Variants in CHRAC1 observed in about 807,000 individuals in gnomAD.
CHRAC1 encodes chromatin accessibility complex subunit 1.
In CHRAC1, 6 loss-of-function variants were observed where a neutral mutation model predicts 9.1. The ratio of observed to expected loss-of-function variants is 0.66; its 90% CI spans 0.36 to 1.29. CHRAC1 has a LOEUF of 1.29. CHRAC1 is among the 50% of genes most tolerant of loss of function. The pLI is 0.03. For synonymous variants in CHRAC1, 73 were observed against 64.5 expected (o/e 1.13, Z -0.63); for missense variants, 168 against 163.5 (o/e 1.03, Z -0.15).
chr8:140,514,216 T>G, intron 1 of CHRAC1, 153 bp from the exon 2 acceptor site: 1 of 837,722 alleles, frequency 1.2e-6, no homozygotes, highest in Non-Finnish European at 1.7e-6. Context: ...TCCCCAGTGA[T>G]TTCTTGTAAT....
rs553240389 is a variant in CHRAC1 at position 140,511,333 on chromosome 8, C to A, written c.-167C>A. Reference sequence around the variant, plus strand: ...CGGGGGCGCGAGGCCTCACGGAGCTCGTAGTTTCCCGGACGGGCCGCTCCC... The same window carrying A: ...CGGGGGCGCGAGGCCTCACGGAGCTAGTAGTTTCCCGGACGGGCCGCTCCC... On this transcript the variant is annotated 5_prime_UTR_variant, in exon 1 of 3. Transcript: ENST00000220913. 5.0e-4 allele frequency: 239 copies of A among 474,246 alleles called. 1 individual carries two copies. Among genetic ancestry groups the A allele is most frequent in the African/African-American group, 4.5e-3 (220 of 49,438 alleles). 29.4% of individuals were successfully genotyped at this position (474,246 alleles called of 1,614,324 possible). A position where few individuals can be genotyped will look rare whatever the true frequency, so the allele number is the denominator to read the frequency against.
At chr8:140,512,057 G>A in intron 1 of CHRAC1, 3 of 1,276,442 alleles carry the variant, frequency 2.4e-6, no homozygotes, top group Non-Finnish European at 3.1e-6. Flanking sequence ...CGCGCCTTTC[G>A]TCCCTCCCAC....
intron 2 of CHRAC1, 47 bp downstream of exon 2, chr8:140,514,542 A>G (rs759085856): frequency 3.4e-6 from 5 of 1,480,350 alleles, no homozygotes; most frequent in East Asian, 5.0e-5. Flanking sequence ...TTAGTAATCA[A>G]TAGCTCTTTC....
chr8:140,514,909 A>G (rs952382820), intron 2 of CHRAC1: 5 of 459,870 alleles, frequency 1.1e-5, no homozygotes, highest in Non-Finnish European at 2.0e-5. Context: ...TAGAGACACC[A>G]TGGTTTGTAC....
chr8:140,515,029 T>G (rs534688167), intron 2 of CHRAC1, 97 bp from the exon 3 acceptor site: 1 of 1,179,948 alleles, frequency 8.5e-7, no homozygotes, highest in East Asian at 2.4e-5. Flanking sequence ...GAACCTCTTA[T>G]AGAGGTCAAA....
chr8:140,515,224 G>A lies in CHRAC1; in HGVS notation c.373G>A (p.Asp125Asn), dbSNP rs2072321148. 1 of 1,613,932 alleles carries A rather than the reference G, an allele frequency of 6.2e-7. No homozygotes were observed. The highest frequency in any genetic ancestry group is 1.3e-5 in the African/African-American group (1 of 74,926). Residue 125 changes from aspartate to asparagine, a missense_variant, in exon 3 of 3, where the codon GAC (aspartate) becomes AAC (asparagine). Asp to Asn is a conservative substitution (Grantham distance 23). Coordinates refer to ENST00000220913, the MANE Select transcript of CHRAC1 (RefSeq NM_017444.6). ...DEENDNDNESDHDEADS is the reference protein window; with the variant it reads ...DEENDNDNESNHDEADS The stretch of plus-strand genomic sequence containing the variant: ...GGAGAATGACAATGATAATGAAAGT[G>A]ACCATGATGAAGCTGACTCCTAAAC...
chr8:140,512,737 A>G (rs902734296), intron 1 of CHRAC1, among the ~76,000 whole-genome samples: 1 of 152,222 alleles, frequency 6.6e-6, no homozygotes, highest in African/African-American at 2.4e-5. Context: ...ATAATTGCAT[A>G]TTCAGCATTT....
At chr8:140,513,603 G>GTT (rs572166192) in intron 1 of CHRAC1, among the ~76,000 whole-genome samples, 154 of 143,776 alleles carry the variant, frequency 1.1e-3, no homozygotes, top group Non-Finnish European at 1.6e-3. Flanking sequence ...GGCTAATTTT[G>GTT]TTTTTTTTTT....
Position 140,511,359 on chromosome 8 carries a change from GGCCTCGCGGCCT to G in CHRAC1, c.-140_-129del. ...GTAGTTTCCCGGACGGGCCGCTCCC[GGCCTCGCGGCCT>G]CGCCTCCCCACACTACAACTCCCAC... On this transcript the variant is annotated 5_prime_UTR_variant, in exon 1 of 3. Transcript: ENST00000220913. 1.4e-6 allele frequency: 1 copy of G among 697,288 alleles called. No homozygotes were observed. The highest frequency in any genetic ancestry group is 2.0e-6 in the Non-Finnish European group (1 of 496,278). The allele number at this position is 697,288 out of a possible 1,614,324, so 43.2% of individuals were successfully genotyped here.
At position 140,515,344 on chromosome 8, in the gene CHRAC1, A is replaced by G. The variant is rs2072323179; in HGVS notation, c.*97A>G. The G allele has an allele frequency of 7.8e-7, 1 of 1,284,568 alleles. No individual in the cohort carries two copies. The highest frequency in any genetic ancestry group is 1.1e-6 in the Non-Finnish European group (1 of 919,516). 79.6% of individuals were successfully genotyped at this position (1,284,568 alleles called of 1,614,324 possible). A position where few individuals can be genotyped will look rare whatever the true frequency, so the allele number is the denominator to read the frequency against. On this transcript the variant is annotated 3_prime_UTR_variant, in exon 3 of 3. Coordinates refer to ENST00000220913, the MANE Select transcript of CHRAC1 (RefSeq NM_017444.6). ...AGCACTGCCCGCTTTTAGCGTCTTCACTTCTTCACAGAGTTCCAGTGTGTG... is the reference window on the plus strand; with the variant it reads ...AGCACTGCCCGCTTTTAGCGTCTTCGCTTCTTCACAGAGTTCCAGTGTGTG...
intron 1 of CHRAC1, chr8:140,512,138 T>A: frequency 1.5e-6 from 1 of 664,806 alleles, no homozygotes; most frequent in Non-Finnish European, 2.2e-6. Flanking sequence ...CGGCGCCTAG[T>A]GGCGCTCTTC....
rs188785663 is a variant in CHRAC1 at position 140,513,233 on chromosome 8, G to A, written c.148-1136G>A. Among the ~76,000 whole-genome samples the A allele has an allele frequency of 1.8e-3, 267 of 152,358 alleles. 1 individual carries two copies. The highest frequency in any genetic ancestry group is 3.0e-3 in the Non-Finnish European group (205 of 68,034). On this transcript the variant is annotated intron_variant, in intron 1 of 2. Transcript: ENST00000220913. ...CCCTGCTATAAGAACTGGGATGCAG[G>A]AGGGAGAAGATCAGTTCCGGTTGTT...
chr8:140,514,337 A>C (rs761680889), intron 1 of CHRAC1, 32 bp from the exon 2 acceptor site: 92 of 1,562,290 alleles, frequency 5.9e-5, no homozygotes, highest in Non-Finnish European at 7.4e-5. Flanking sequence ...TTCAAAGCAC[A>C]CCTTTCATTT....
At chr8:140,514,229 A>T in intron 1 of CHRAC1, 140 bp from the exon 2 acceptor site, 1 of 939,086 alleles carries the variant, frequency 1.1e-6, no homozygotes, top group Non-Finnish European at 1.5e-6. Context: ...CTTGTAATTT[A>T]ATTTGAGAAA....
Position 140,516,859 on chromosome 8 carries a change from G to A in CHRAC1, c.*1612G>A, listed in dbSNP as rs1224820822. 6.6e-6 allele frequency: 1 copy of A among 152,016 alleles called. No homozygotes were observed. The highest frequency in any genetic ancestry group is 1.5e-5 in the Non-Finnish European group (1 of 68,028). The allele number at this position is 152,016 out of a possible 1,614,324, so 9.4% of individuals were successfully genotyped here. A position where few individuals can be genotyped will look rare whatever the true frequency, so the allele number is the denominator to read the frequency against. ...AAGCTATTCTCTGTCCCTATACCAG[G>A]TGTCATCAAATTTTTTTCTGGAAAG... On this transcript the variant is annotated 3_prime_UTR_variant, in exon 3 of 3. Transcript: ENST00000220913.
rs2072329085 is a variant in CHRAC1, at chr8:140,515,766, C to G, written c.*519C>G. ...TTCTACTGTAAAGAAATATACTTTT[C>G]TATTAAAGATCTGTACATATTTTTA... On this transcript the variant is annotated 3_prime_UTR_variant, in exon 3 of 3. Transcript: ENST00000220913. 1 of 152,320 alleles carries G rather than the reference C, an allele frequency of 6.6e-6. No individual in the cohort carries two copies. The highest frequency in any genetic ancestry group is 2.1e-4 in the South Asian group (1 of 4,846). The allele number at this position is 152,320 out of a possible 1,614,324, so 9.4% of individuals were successfully genotyped here.
At chr8:140,513,788 C>T (rs957898291) in intron 1 of CHRAC1, among the ~76,000 whole-genome samples, 1 of 151,246 alleles carries the variant, frequency 6.6e-6, no homozygotes, top group East Asian at 2.0e-4. Flanking sequence ...TAAACAGTTA[C>T]GATTCATCTT....
At chr8:140,512,533 C>T (rs2072290022) in intron 1 of CHRAC1, among the ~76,000 whole-genome samples, 1 of 152,182 alleles carries the variant, frequency 6.6e-6, no homozygotes, top group South Asian at 2.1e-4. Flanking sequence ...AGATGTTTTC[C>T]TGTTCTGACA....
intron 1 of CHRAC1, chr8:140,511,854 C>A (rs2072278836): frequency 1.3e-6 from 1 of 745,384 alleles, no homozygotes; most frequent in Non-Finnish European, 2.1e-6. Context: ...GCCCCGCCCA[C>A]CCCTCGCCGC....
Sources: gnomAD v4.1 joint callset for allele counts (sites outside exome capture counted in the v4.1 genomes callset) on GRCh38, gnomAD v4.1.1 for gene constraint, MANE v1.5 for transcripts, NCBI Gene and HGNC (gene_info 2026-07-23, HGNC 2026-07-21) for gene names.